Variants in DHFR2 observed in about 807,000 individuals in gnomAD.
The protein encoded by DHFR2 is dihydrofolate reductase 2, also known as dihydrofolate reductase 2, mitochondrial.
In DHFR2, 11 loss-of-function variants were observed where a neutral mutation model predicts 12.0. That is an observed-to-expected ratio of 0.92 (90% CI 0.58 to 1.52). DHFR2 has a LOEUF of 1.52. Ranked by LOEUF, DHFR2 falls within the 40% of genes most tolerant of loss-of-function variation. The pLI, the probability that DHFR2 is intolerant of heterozygous loss-of-function variation, is 0.00. For missense variants in DHFR2, 188 were observed against 221.2 expected (o/e 0.85, Z 0.95); for synonymous variants, 87 against 79.6 (o/e 1.09, Z -0.49).
At chr3:94,062,174 G>C (rs185757747) in intron 1 of DHFR2, among the ~76,000 whole-genome samples, 1 of 152,286 alleles carries the variant, frequency 6.6e-6, no homozygotes, top group Admixed American at 6.5e-5. Flanking sequence ...ATCTTCCTTG[G>C]AGAACCATTA....
In DHFR2 at chr3:94,061,563, C is replaced by T. The variant is rs2077175458; in HGVS notation, c.-52G>A. 1.2e-6 allele frequency: 2 copies of T among 1,604,410 alleles called. No homozygotes were observed. Among genetic ancestry groups the T allele is most frequent in the Non-Finnish European group, 1.7e-6 (2 of 1,174,552 alleles). Reference sequence around the variant, plus strand: ...TTGCTGGCTACGCCAGGAAGCCAGGCCAAGAATGCCGCGAAATTCCCTTCT... The same window carrying T: ...TTGCTGGCTACGCCAGGAAGCCAGGTCAAGAATGCCGCGAAATTCCCTTCT... On this transcript the variant is annotated 5_prime_UTR_variant, in exon 2 of 2. Transcript: ENST00000314636.
In DHFR2 at chr3:94,061,431, C is replaced by T. The variant is rs2077174014; in HGVS notation, c.81G>A (p.Pro27=). ...GGAAATACCTGAATTCATTCCTGAG[C>T]GGCGGCCTGGGCAGGTCCCCGTTCT... ...IGKNGDLPRP[P]LRNEFRYFQR... is the part of the protein sequence containing the mutation. Residue 27 remains proline (P), a synonymous_variant, in exon 2 of 2, where the codon CCG becomes CCA. Transcript: ENST00000314636. The T allele has an allele frequency of 3.7e-6, 6 of 1,614,064 alleles. No homozygotes were observed. The highest frequency in any genetic ancestry group is 5.1e-6 in the Non-Finnish European group (6 of 1,180,040).
chr3:94,061,256 C>T lies in DHFR2; in HGVS notation c.256G>A (p.Gly86Arg), dbSNP rs149534991. The change falls in exon 2 of 2, where the codon GGA (glycine) becomes AGA (arginine). Residue 86 changes from glycine to arginine, a missense_variant. By Grantham distance (125) the Gly-to-Arg change is moderately radical. Coordinates refer to ENST00000314636, the MANE Select transcript of DHFR2 (RefSeq NM_176815.5). ...LSRELKEPPQ[G>R]AHFLARSLDD... ...AAACTTCTGGCAAGAAAATGAGCTCCTTGTGGAGGTTCCTTGAGTTCTCTG... is the reference window on the plus strand; with the variant it reads ...AAACTTCTGGCAAGAAAATGAGCTCTTTGTGGAGGTTCCTTGAGTTCTCTG... 1.7e-5 allele frequency: 28 copies of T among 1,613,832 alleles called. No individual in the cohort carries two copies. The African/African-American group carries it at 3.6e-4, about 21-fold the overall frequency.
chr3:94,063,153 C>G (rs1417862158), upstream of DHFR2: 4 of 1,613,438 alleles, frequency 2.5e-6, no homozygotes, highest in Non-Finnish European at 2.5e-6. Flanking sequence ...GACCTGGGGC[C>G]CGGCTGGGTA....
chr3:94,061,622 A>AAT lies in DHFR2; in HGVS notation c.-95-18_-95-17dup. 6.6e-7 allele frequency: 1 copy of AAT among 1,520,704 alleles called. No homozygotes were observed. The allele number at this position is 1,520,704 out of a possible 1,614,324, so 94.2% of individuals were successfully genotyped here. ...TTTTACGTGCCTACATTGCAAATAC[A>AAT]ATACCACTGTATTAATTAATTGCAA... On this transcript the variant is annotated splice_polypyrimidine_tract_variant and intron_variant, in intron 1 of 1. Transcript: ENST00000314636.
chr3:94,062,159 T>A (rs1284439709), intron 1 of DHFR2, among the ~76,000 whole-genome samples: 5 of 152,170 alleles, frequency 3.3e-5, no homozygotes, highest in South Asian at 2.1e-4. Flanking sequence ...ATAGGTGTAA[T>A]AAACATCTTC....
In DHFR2 at chr3:94,058,197, CT is replaced by C. The variant is rs933554271; in HGVS notation, c.*2750del. 196 of 152,284 alleles carry C rather than the reference CT, an allele frequency of 1.3e-3. No homozygotes were observed. The highest frequency in any genetic ancestry group is 4.5e-3 in the African/African-American group (189 of 41,582). 9.4% of individuals were successfully genotyped at this position (152,284 alleles called of 1,614,324 possible). On this transcript the variant is annotated 3_prime_UTR_variant, in exon 2 of 2. Transcript: ENST00000314636. ...TCTTACAATGAAAACAGTCCTGCGACTTGTTCTTTCCAGAGGAAAGCACTTT... is the reference window on the plus strand; with the variant it reads ...TCTTACAATGAAAACAGTCCTGCGACTGTTCTTTCCAGAGGAAAGCACTTT...
upstream of DHFR2, chr3:94,063,182 G>A: frequency 6.2e-7 from 1 of 1,608,760 alleles, no homozygotes; most frequent in Non-Finnish European, 8.5e-7. Flanking sequence ...TGAATGAGAC[G>A]CTTCTGGACG....
upstream of DHFR2, chr3:94,063,095 A>T: frequency 1.2e-6 from 2 of 1,613,992 alleles, no homozygotes; most frequent in Non-Finnish European, 1.7e-6. Context: ...TGATTCGCGT[A>T]CACCTGTTGT....
chr3:94,058,580 G>C lies in DHFR2; in HGVS notation c.*2368C>G, dbSNP rs2077155672. 1 of 152,514 alleles carries C rather than the reference G, an allele frequency of 6.6e-6. No individual in the cohort carries two copies. 9.4% of individuals were successfully genotyped at this position (152,514 alleles called of 1,614,324 possible). On this transcript the variant is annotated 3_prime_UTR_variant, in exon 2 of 2. Coordinates refer to ENST00000314636, the MANE Select transcript of DHFR2 (RefSeq NM_176815.5). ...CCCAAAGTAGTTACCAGATTTAGGG[G>C]CTAAGCAGTCAGTCACCACATCATT...
In DHFR2 at chr3:94,061,495, T is replaced by C; in HGVS notation, c.17A>G (p.Asn6Ser). MFLLL[N>S]CIVAVSQNMG... is the part of the protein sequence containing the mutation. Reference sequence around the variant, plus strand: ...GTTTTGGGACACAGCGACGATGCAGTTTAGCAAAAGAAACATGACAGCAGC... The same window carrying C: ...GTTTTGGGACACAGCGACGATGCAGCTTAGCAAAAGAAACATGACAGCAGC... The change falls in exon 2 of 2, where the codon AAC becomes AGC. Residue 6 changes from asparagine to serine, a missense_variant. Coordinates refer to ENST00000314636, the MANE Select transcript of DHFR2 (RefSeq NM_176815.5). 6.2e-7 allele frequency: 1 copy of C among 1,614,122 alleles called. No individual in the cohort carries two copies. The highest frequency in any genetic ancestry group is 8.5e-7 in the Non-Finnish European group (1 of 1,180,030).
In DHFR2 at chr3:94,058,470, A is replaced by G. The variant is rs555619317; in HGVS notation, c.*2478T>C. 17 of 152,242 alleles carry G rather than the reference A, an allele frequency of 1.1e-4. No individual in the cohort carries two copies. The highest frequency in any genetic ancestry group is 3.9e-4 in the African/African-American group (16 of 41,554). 9.4% of individuals were successfully genotyped at this position (152,242 alleles called of 1,614,324 possible). On this transcript the variant is annotated 3_prime_UTR_variant, in exon 2 of 2. Transcript: ENST00000314636. ...TACTTAGTCATTTCTTGATTATGTT[A>G]TACATTATATAGTGATTTCTTGATA... is the stretch of plus-strand genomic sequence containing the variant.
chr3:94,061,262 G>A lies in DHFR2; in HGVS notation c.250C>T (p.Pro84Ser). The A allele has an allele frequency of 6.2e-7, 1 of 1,613,930 alleles. No homozygotes were observed. Among genetic ancestry groups the A allele is most frequent in the South Asian group, 1.1e-5 (1 of 91,072 alleles). The change falls in exon 2 of 2, where the codon CCA becomes TCA. Residue 84 changes from proline (P) to serine (S), a missense_variant. Pro to Ser is a moderately conservative substitution (Grantham distance 74, BLOSUM62 -1). Transcript: ENST00000314636. ...CTGGCAAGAAAATGAGCTCCTTGTG[G>A]AGGTTCCTTGAGTTCTCTGCTGAGA... ...LVLSRELKEP[P>S]QGAHFLARSL...
Position 94,057,983 on chromosome 3 carries a change from T to C in DHFR2, c.*2965A>G, listed in dbSNP as rs1485141315. On this transcript the variant is annotated 3_prime_UTR_variant, in exon 2 of 2. Transcript: ENST00000314636. ...ATAAAGATGCTGAGTCCCAAAAATG[T>C]GATAAAATTAATATGACCTCTTTCC... 1 of 151,596 alleles carries C rather than the reference T, an allele frequency of 6.6e-6. No individual in the cohort carries two copies. Among genetic ancestry groups the C allele is most frequent in the Non-Finnish European group, 1.5e-5 (1 of 67,732 alleles). The allele number at this position is 151,596 out of a possible 1,614,324, so 9.4% of individuals were successfully genotyped here.
intron 1 of DHFR2, among the ~76,000 whole-genome samples, chr3:94,062,338 C>T (rs2077180367): frequency 6.6e-6 from 1 of 152,190 alleles, no homozygotes; most frequent in Admixed American, 6.5e-5. Flanking sequence ...TTCCTAATCA[C>T]TGTTGTAACC....
rs79797915 is a variant in DHFR2 at position 94,060,062 on chromosome 3, GA to G, written c.*885del. ...CAAGAGTGAAATTCTGTCTTAAAAA[GA>G]AAAAAAAAAAAAAGTATGAAGAGTT... On this transcript the variant is annotated 3_prime_UTR_variant, in exon 2 of 2. Transcript: ENST00000314636. 29,269 of 128,544 alleles carry G rather than the reference GA, an allele frequency of 0.23. 3,104 individuals are homozygous for G. The highest frequency in any genetic ancestry group is 0.28 in the Non-Finnish European group (16,483 of 59,562). The allele number at this position is 128,544 out of a possible 1,614,324, so 8.0% of individuals were successfully genotyped here.
At position 94,058,773 on chromosome 3, in the gene DHFR2, T is replaced by C. The variant is rs1350634844; in HGVS notation, c.*2175A>G. On this transcript the variant is annotated 3_prime_UTR_variant, in exon 2 of 2. Transcript: ENST00000314636. Reference sequence around the variant, plus strand: ...ACTTTTGCTTTATCTTCAATGCACTTCTTTCCAAATGCCCCAAATCTGGCA... The same window carrying C: ...ACTTTTGCTTTATCTTCAATGCACTCCTTTCCAAATGCCCCAAATCTGGCA... 2.5e-5 allele frequency: 4 copies of C among 158,228 alleles called. 1 individual carries two copies. Among genetic ancestry groups the C allele is most frequent in the Non-Finnish European group, 5.5e-5 (4 of 72,522 alleles). 9.8% of individuals were successfully genotyped at this position (158,228 alleles called of 1,614,324 possible). A position where few individuals can be genotyped will look rare whatever the true frequency, so the allele number is the denominator to read the frequency against.
upstream of DHFR2, chr3:94,063,182 G>T (rs909166833): frequency 6.2e-7 from 1 of 1,608,758 alleles, no homozygotes; most frequent in Admixed American, 1.7e-5. Flanking sequence ...TGAATGAGAC[G>T]CTTCTGGACG....
chr3:94,062,255 G>C (rs2077179948), intron 1 of DHFR2, among the ~76,000 whole-genome samples: 1 of 152,148 alleles, frequency 6.6e-6, no homozygotes, highest in Non-Finnish European at 1.5e-5. Context: ...CACGCATTTG[G>C]TATCAACGCG....
Sources: allele counts gnomAD v4.1 joint callset (sites outside exome capture counted in the v4.1 genomes callset), GRCh38; gene constraint gnomAD v4.1.1; transcripts MANE v1.5; gene names NCBI Gene and HGNC (gene_info 2026-07-23, HGNC 2026-07-21).